KDM5A: variants seen among roughly 807,000 people sequenced by gnomAD.
KDM5A encodes the protein lysine-specific demethylase 5A.
KDM5A carries 42 observed loss-of-function variants against 193.5 expected under a neutral mutation model. The ratio of observed to expected loss-of-function variants is 0.22; its 90% CI spans 0.17 to 0.28. The LOEUF (loss-of-function observed/expected upper bound fraction) is 0.28, where lower values mean the gene tolerates loss of function less well. Among genes scored for constraint, KDM5A ranks in the 10% least tolerant of loss-of-function variants. The pLI, the probability that KDM5A is intolerant of heterozygous loss-of-function variation, is 1.00. For synonymous variants in KDM5A, 796 were observed against 718.1 expected (o/e 1.11, Z -1.73); for missense variants, 1,692 against 2,055.1 (o/e 0.82, Z 3.42).
Position 325,703 on chromosome 12 carries a change from T to C in KDM5A, c.1969-1922A>G, listed in dbSNP as rs146442385. 2.8e-3 allele frequency among the ~76,000 whole-genome samples: 413 copies of C among 149,280 alleles called. 2 individuals carry two copies. Among genetic ancestry groups the C allele is most frequent in the African/African-American group, 9.8e-3 (396 of 40,440 alleles). Reference sequence around the variant, plus strand: ...AAATAAATAAAACAAAACAAAAAACTAGGTAACATATAACTATGAAGGAAA... The same window carrying C: ...AAATAAATAAAACAAAACAAAAAACCAGGTAACATATAACTATGAAGGAAA... On this transcript the variant is annotated intron_variant, in intron 14 of 27. Transcript: ENST00000399788.
rs144902552 is a variant in KDM5A at position 341,429 on chromosome 12, A to G, written c.1309-7007T>C. 5.4e-4 allele frequency among the ~76,000 whole-genome samples: 82 copies of G among 152,244 alleles called. No homozygotes were observed. The East Asian group carries it at 0.015, about 29-fold the overall frequency. On this transcript the variant is annotated intron_variant, in intron 10 of 27. Transcript: ENST00000399788. ...AATCCCAAAGTCTATTCTCTAATCA[A>G]TATTATCCTAACTTTGTTATCCTAA... is the stretch of plus-strand genomic sequence containing the variant.
chr12:363,945 A>G (rs1944321468), intron 4 of KDM5A, among the ~76,000 whole-genome samples: 1 of 152,190 alleles, frequency 6.6e-6, no homozygotes, highest in Non-Finnish European at 1.5e-5. Context: ...ACACTTCACC[A>G]AGATATACAA....
chr12:341,246 G>C (rs999490775), intron 10 of KDM5A, among the ~76,000 whole-genome samples: 6 of 152,074 alleles, frequency 3.9e-5, no homozygotes, highest in African/African-American at 7.2e-5. Flanking sequence ...AAGACATTCA[G>C]GCTGATACAT....
At chr12:363,579 C>T (rs10735021) in intron 4 of KDM5A, among the ~76,000 whole-genome samples, 106,913 of 151,862 alleles carry the variant, frequency 0.7, 37,841 homozygotes, top group Middle Eastern at 0.78. Flanking sequence ...CCCTTCCCCA[C>T]CAAAAAATAA....
At chr12:296,253 G>A (rs1429414620) in intron 25 of KDM5A, among the ~76,000 whole-genome samples, 1 of 151,570 alleles carries the variant, frequency 6.6e-6, no homozygotes, top group Non-Finnish European at 1.5e-5. Context: ...ACTAGGCAGG[G>A]GGAGGTTGCA....
intron 1 of KDM5A, 149 bp downstream of exon 1, chr12:388,778 C>T (rs1944682834): frequency 9.9e-6 from 10 of 1,011,938 alleles, no homozygotes; most frequent in Non-Finnish European, 1.5e-5. Context: ...ACAAAAGAAA[C>T]CGAGGCAAAA....
At chr12:332,364 C>T (rs1565536623) in intron 12 of KDM5A, among the ~76,000 whole-genome samples, 1 of 152,104 alleles carries the variant, frequency 6.6e-6, no homozygotes, top group South Asian at 2.1e-4. Context: ...AATGAGATGT[C>T]CCCAAAATCA....
At chr12:353,753 C>G (rs1944192562) in intron 8 of KDM5A, among the ~76,000 whole-genome samples, 1 of 151,950 alleles carries the variant, frequency 6.6e-6, no homozygotes, top group South Asian at 2.1e-4. Context: ...AAACCATGGT[C>G]TCTACTAAAA....
Position 318,298 on chromosome 12 carries a change from C to A in KDM5A, c.2705G>T (p.Arg902Leu). 6.2e-7 allele frequency: 1 copy of A among 1,614,152 alleles called. No individual in the cohort carries two copies. The highest frequency in any genetic ancestry group is 1.1e-5 in the South Asian group (1 of 91,076). Residue 902 changes from arginine (R) to leucine (L), a missense_variant, in exon 19 of 28, where the codon CGG becomes CTG. By Grantham distance (102) the Arg-to-Leu change is moderately radical. Around this residue, in one of 11 missense-constraint regions of KDM5A, gnomAD observed 965 missense variants for 1,061.0 expected, o/e 0.91. Transcript: ENST00000399788. Reference sequence around the variant, plus strand: ...GGTCAGTCTTACTTCGTCCAACCACCGAGCCTGTTGTAGCTCTTGCTTCAG... The same window carrying A: ...GGTCAGTCTTACTTCGTCCAACCACAGAGCCTGTTGTAGCTCTTGCTTCAG... ...PRLKQELQQA[R>L]WLDEVRLTLS...
intron 10 of KDM5A, among the ~76,000 whole-genome samples, chr12:342,752 G>T (rs7297011): frequency 2.7e-5 from 4 of 149,744 alleles, no homozygotes; most frequent in African/African-American, 9.9e-5. Context: ...ATGGGCCACC[G>T]TGCCTGGCCT....
intron 7 of KDM5A, among the ~76,000 whole-genome samples, chr12:354,601 A>C (rs536661433): frequency 1.1e-4 from 17 of 152,224 alleles, no homozygotes; most frequent in African/African-American, 3.9e-4. Flanking sequence ...CCCCGTCTCT[A>C]CTAAAAATAC....
intron 10 of KDM5A, among the ~76,000 whole-genome samples, chr12:337,286 C>T (rs937637474): frequency 2.0e-5 from 3 of 152,148 alleles, no homozygotes; most frequent in Middle Eastern, 3.4e-3. Flanking sequence ...TACCCAGCCT[C>T]GAGTATTTAT....
intron 10 of KDM5A, among the ~76,000 whole-genome samples, chr12:342,069 T>C (rs1312078680): frequency 1.3e-5 from 2 of 152,144 alleles, no homozygotes; most frequent in Non-Finnish European, 2.9e-5. Context: ...GATCCAATTA[T>C]ATGCTATCTA....
intron 1 of KDM5A, among the ~76,000 whole-genome samples, chr12:387,702 C>T (rs1370189064): frequency 6.6e-6 from 1 of 152,162 alleles, no homozygotes; most frequent in Non-Finnish European, 1.5e-5. Flanking sequence ...GGTGTTTTAA[C>T]TTATCCAGAT....
intron 27 of KDM5A, among the ~76,000 whole-genome samples, chr12:291,038 T>G (rs1227482924): frequency 6.6e-6 from 1 of 152,120 alleles, no homozygotes; most frequent in Non-Finnish European, 1.5e-5. Flanking sequence ...TTCATCAGCC[T>G]CTTTAACAAA....
At chr12:291,717 TAC>T (rs1370105319) in intron 27 of KDM5A, among the ~76,000 whole-genome samples, 1 of 152,170 alleles carries the variant, frequency 6.6e-6, no homozygotes, top group Non-Finnish European at 1.5e-5. Context: ...AAATTAAAAC[TAC>T]AGATTTATCA....
intron 24 of KDM5A, among the ~76,000 whole-genome samples, chr12:299,572 G>A (rs78859544): frequency 2.0e-5 from 3 of 152,166 alleles, no homozygotes; most frequent in South Asian, 2.1e-4. Flanking sequence ...AGGAACAATC[G>A]GTACCAGTCA....
intron 18 of KDM5A, among the ~76,000 whole-genome samples, chr12:319,986 C>T (rs1483462588): frequency 2.0e-5 from 3 of 152,112 alleles, no homozygotes; most frequent in Non-Finnish European, 4.4e-5. Flanking sequence ...TATACTCCAA[C>T]ACTTAGAAGT....
chr12:380,755 GTAC>G (rs990586803), intron 3 of KDM5A, among the ~76,000 whole-genome samples: 2 of 151,864 alleles, frequency 1.3e-5, no homozygotes, highest in African/African-American at 4.8e-5. Context: ...TCATTAAAGA[GTAC>G]TACAACATAT....
Sources: allele counts gnomAD v4.1 joint callset (sites outside exome capture counted in the v4.1 genomes callset), GRCh38; gene constraint gnomAD v4.1.1; regional missense constraint gnomAD v4.1.1; transcripts MANE v1.5; gene names NCBI Gene and HGNC (gene_info 2026-07-23, HGNC 2026-07-21).